The following NXN variants were observed in gnomAD, a reference collection of about 807,000 sequenced individuals.
NXN encodes nucleoredoxin.
NXN carries 16 observed loss-of-function variants against 48.6 expected under a neutral mutation model. The observed-to-expected ratio is 0.33, with a 90% CI of 0.22 to 0.50. NXN has a LOEUF of 0.50. Ranked by LOEUF, NXN falls within the 20% of genes least tolerant of loss-of-function variation. NXN has a pLI of 0.98. For synonymous variants in NXN, 281 were observed against 269.6 expected, an observed-to-expected ratio of 1.04 and a Z score of -0.41; for missense variants, 492 against 605.5, an observed-to-expected ratio of 0.81 and a Z score of 1.97.
chr17:833,348 TC>T (rs2144677639), intron 1 of NXN, among the ~76,000 whole-genome samples: 1 of 152,142 alleles, frequency 6.6e-6, no homozygotes, highest in Non-Finnish European at 1.5e-5. Flanking sequence ...GAGTCACCAT[TC>T]CGAAAAACAC....
At chr17:962,473 G>A (rs554882002) in intron 1 of NXN, among the ~76,000 whole-genome samples, 1 of 152,090 alleles carries the variant, frequency 6.6e-6, no homozygotes, top group African/African-American at 2.4e-5. Flanking sequence ...TTCGAGACCA[G>A]CCTGGACAAC....
chr17:943,794 C>T (rs540411403), intron 1 of NXN, among the ~76,000 whole-genome samples: 221 of 151,442 alleles, frequency 1.5e-3, no homozygotes, highest in African/African-American at 4.9e-3. Flanking sequence ...CACTGCACTC[C>T]AGCCTGAGTG....
At chr17:963,804 G>A (rs1177715165) in intron 1 of NXN, among the ~76,000 whole-genome samples, 3 of 152,184 alleles carry the variant, frequency 2.0e-5, no homozygotes, top group Non-Finnish European at 2.9e-5. Flanking sequence ...TGGGCCGGGC[G>A]CGGTGGCTCA....
intron 1 of NXN, among the ~76,000 whole-genome samples, chr17:953,800 G>C (rs1280401996): frequency 1.3e-5 from 2 of 152,122 alleles, no homozygotes; most frequent in Non-Finnish European, 2.9e-5. Flanking sequence ...ATCTGGGCGT[G>C]GTGACACGCG....
At chr17:834,665 G>A (rs186500157) in intron 1 of NXN, among the ~76,000 whole-genome samples, 23 of 151,930 alleles carry the variant, frequency 1.5e-4, no homozygotes, top group Admixed American at 8.5e-4. Flanking sequence ...GATTACAGGC[G>A]CCCACCACCA....
At chr17:962,518 A>G (rs1449937327) in intron 1 of NXN, among the ~76,000 whole-genome samples, 1 of 152,268 alleles carries the variant, frequency 6.6e-6, no homozygotes, top group South Asian at 2.1e-4. Flanking sequence ...AAATACAAAA[A>G]TTAGCCAGTC....
chr17:918,755 C>T (rs55758827), intron 1 of NXN, among the ~76,000 whole-genome samples: 46,637 of 138,140 alleles, frequency 0.34, 7,901 homozygotes, highest in East Asian at 0.57. Flanking sequence ...ATCGCGCCAC[C>T]GCACTCCAGC....
At chr17:853,708 T>C (rs2067950224) in intron 1 of NXN, among the ~76,000 whole-genome samples, 1 of 95,954 alleles carries the variant, frequency 1.0e-5, no homozygotes, top group African/African-American at 5.5e-5. Context: ...TACACATATA[T>C]ATATATATAT....
At chr17:977,861 A>C (rs976161974) in intron 1 of NXN, among the ~76,000 whole-genome samples, 4 of 152,256 alleles carry the variant, frequency 2.6e-5, no homozygotes, top group African/African-American at 9.6e-5. Context: ...TATATCAAGC[A>C]TGTCAATCAA....
At chr17:876,439 G>A (rs564550720) in intron 1 of NXN, among the ~76,000 whole-genome samples, 6 of 152,266 alleles carry the variant, frequency 3.9e-5, no homozygotes, top group South Asian at 4.1e-4. Context: ...CTCCCAATCC[G>A]GCTCATGACC....
In NXN at chr17:979,367, C is replaced by T; in HGVS notation, c.312G>A (p.Val104=). The part of the protein sequence containing the change: ...DQDQRQWQDF[V]RDMPWLALPY... ...GCAGCGCCAGCCACGGCATGTCCCGCACGAAGTCCTGCCACTGCCGCTGGT... is the reference window on the plus strand; with the variant it reads ...GCAGCGCCAGCCACGGCATGTCCCGTACGAAGTCCTGCCACTGCCGCTGGT... The change falls in exon 1 of 8, where the codon GTG becomes GTA. Residue 104 remains valine, a synonymous_variant. Coordinates refer to ENST00000336868, the MANE Select transcript of NXN (RefSeq NM_022463.5). The T allele has an allele frequency of 6.5e-7, 1 of 1,534,564 alleles. No individual in the cohort carries two copies. The highest frequency in any genetic ancestry group is 8.7e-7 in the Non-Finnish European group (1 of 1,143,776).
intron 1 of NXN, among the ~76,000 whole-genome samples, chr17:963,108 C>A (rs918462458): frequency 1.3e-5 from 2 of 151,656 alleles, no homozygotes; most frequent in African/African-American, 4.9e-5. Flanking sequence ...AGCCTCTACC[C>A]ACCTGAGACA....
intron 1 of NXN, among the ~76,000 whole-genome samples, chr17:833,140 C>T (rs1321336395): frequency 6.6e-6 from 1 of 152,286 alleles, no homozygotes; most frequent in East Asian, 1.9e-4. Flanking sequence ...ATCCGCCCAC[C>T]TCAGCCTCCC....
chr17:953,035 C>T (rs1476573611), intron 1 of NXN, among the ~76,000 whole-genome samples: 1 of 152,066 alleles, frequency 6.6e-6, no homozygotes, highest in Non-Finnish European at 1.5e-5. Context: ...CCATGAAGAC[C>T]ACTTCAAGGT....
rs113894480 is a variant in NXN, at chr17:800,602, G to A, written c.*347C>T. Reference sequence around the variant, plus strand: ...TGTGCCGACGTCAGAGTCAGAGCCCGAGCGGGACCCACCGGCCCTCCACGC... The same window carrying A: ...TGTGCCGACGTCAGAGTCAGAGCCCAAGCGGGACCCACCGGCCCTCCACGC... On this transcript the variant is annotated 3_prime_UTR_variant, in exon 8 of 8. Transcript: ENST00000336868. The A allele has an allele frequency of 9.3e-3, 1,608 of 172,650 alleles. 14 individuals carry two copies. Among genetic ancestry groups the A allele is most frequent in the African/African-American group, 0.027 (1,142 of 42,446 alleles). 10.7% of individuals were successfully genotyped at this position (172,650 alleles called of 1,614,324 possible).
chr17:952,249 GGGTC>G (rs1346291814), intron 1 of NXN, among the ~76,000 whole-genome samples: 23 of 45,764 alleles, frequency 5.0e-4, no homozygotes, highest in African/African-American at 2.2e-3. Context: ...GGGGGGGCTG[GGGTC>G]AGACAGACCA....
At chr17:802,402 C>T (rs1323503198) in intron 7 of NXN, among the ~76,000 whole-genome samples, 1 of 152,240 alleles carries the variant, frequency 6.6e-6, no homozygotes, top group African/African-American at 2.4e-5. Flanking sequence ...CCCTGTGAAA[C>T]AGGACAGCGA....
At chr17:868,644 A>G (rs2068118846) in intron 1 of NXN, among the ~76,000 whole-genome samples, 1 of 152,006 alleles carries the variant, frequency 6.6e-6, no homozygotes, top group African/African-American at 2.4e-5. Flanking sequence ...GGCGCCCACC[A>G]CCACGCCCGG....
At chr17:929,790 G>GT (rs2068835545) in intron 1 of NXN, 1 of 147,764 alleles carries the variant, frequency 6.8e-6, no homozygotes, top group Admixed American at 6.7e-5. Flanking sequence ...CTTCACTTCC[G>GT]TTTTTAATCT....
Sources: allele counts gnomAD v4.1 joint callset (sites outside exome capture counted in the v4.1 genomes callset), GRCh38; gene constraint gnomAD v4.1.1; transcripts MANE v1.5; gene names NCBI Gene and HGNC (gene_info 2026-07-23, HGNC 2026-07-21).